Variants in NAV2 observed in about 807,000 individuals in gnomAD.
NAV2 encodes the protein helicase, APC down-regulated 1.
A neutral mutation model predicts 223.2 loss-of-function variants in NAV2; 54 were observed. The ratio of observed to expected loss-of-function variants is 0.24; its 90% CI spans 0.19 to 0.30. The LOEUF (loss-of-function observed/expected upper bound fraction) is 0.30, where lower values mean the gene tolerates loss of function less well. Among genes scored for constraint, NAV2 ranks in the 10% least tolerant of loss-of-function variants. The probability of loss-of-function intolerance (pLI) is 1.00; values close to 1 mark genes in which losing one functional copy is unlikely to be tolerated. For missense variants in NAV2, 2,806 were observed against 3,147.5 expected (o/e 0.89, Z 2.60); for synonymous variants, 1,279 against 1,239.3 (o/e 1.03, Z -0.67).
intron 10 of NAV2, among the ~76,000 whole-genome samples, chr11:19,979,857 TG>T (rs1185024796): frequency 6.6e-6 from 1 of 152,226 alleles, no homozygotes; most frequent in African/African-American, 2.4e-5. Flanking sequence ...ATGCGACAGT[TG>T]GGATTTGAAC....
chr11:19,355,608 A>G (rs916871871), intron 1 of NAV2, among the ~76,000 whole-genome samples: 15 of 152,092 alleles, frequency 9.9e-5, no homozygotes, highest in Non-Finnish European at 1.6e-4. Context: ...TTCTTCAATC[A>G]GTAGTGGAAT....
In NAV2 at chr11:19,933,576, C is replaced by T. The variant is rs773887680; in HGVS notation, c.1332C>T (p.Ala444=). ...TCGAAGAGAGCGAGGAGCTGGAGGC[C>T]GCCAGTCGCATGCTCACCACCGTGG... ...PSFEESEELE[A]ASRMLTTVGP... The change falls in exon 7 of 38, where the codon GCC becomes GCT. Residue 444 remains alanine (A), a synonymous_variant. Transcript: ENST00000349880. This position sits in a 1 kb window ranked among gnomAD's most constrained non-coding sequence, Gnocchi z 4.3. 9.3e-6 allele frequency: 15 copies of T among 1,610,848 alleles called. No homozygotes were observed. The highest frequency in any genetic ancestry group is 2.7e-5 in the African/African-American group (2 of 74,918).
intron 1 of NAV2, among the ~76,000 whole-genome samples, chr11:19,572,047 C>A (rs1456581124): frequency 1.3e-5 from 2 of 152,182 alleles, no homozygotes; most frequent in Non-Finnish European, 2.9e-5. Context: ...CCCCTGCTAC[C>A]TGGGGCAGGA....
chr11:19,663,268 A>G (rs2048333501), intron 1 of NAV2, among the ~76,000 whole-genome samples: 1 of 152,240 alleles, frequency 6.6e-6, no homozygotes, highest in East Asian at 1.9e-4. Context: ...ATACATGAAA[A>G]TAACACAAGC....
At chr11:19,549,557 A>G (rs553428096) in intron 1 of NAV2, among the ~76,000 whole-genome samples, 2 of 151,064 alleles carry the variant, frequency 1.3e-5, no homozygotes, top group African/African-American at 4.9e-5. Context: ...AGAGAGCACA[A>G]CCCCCCTCCT....
intron 32 of NAV2, 105 bp downstream of exon 32, chr11:20,101,277 G>T: frequency 2.1e-6 from 2 of 947,948 alleles, no homozygotes; most frequent in Non-Finnish European, 1.6e-6. Context: ...ACAATCCTTG[G>T]GTGGTTTTAG....
At chr11:19,941,450 T>C (rs1044424948) in intron 8 of NAV2, among the ~76,000 whole-genome samples, 1 of 151,758 alleles carries the variant, frequency 6.6e-6, no homozygotes, top group Non-Finnish European at 1.5e-5. Context: ...CACTGAATAA[T>C]AAATAGCATG....
chr11:19,934,935 G>A (rs758325858), intron 7 of NAV2, among the ~76,000 whole-genome samples: 2 of 152,124 alleles, frequency 1.3e-5, no homozygotes, highest in Non-Finnish European at 2.9e-5. Flanking sequence ...CTCTTTGATG[G>A]CACATCCTCA....
At chr11:19,784,473 AT>A (rs201606983) in intron 1 of NAV2, among the ~76,000 whole-genome samples, 8,885 of 147,920 alleles carry the variant, frequency 0.06, 368 homozygotes, top group Middle Eastern at 0.1. Context: ...AGTAATTATT[AT>A]TATTATTATT....
chr11:19,860,782 A>C (rs1298162727), intron 3 of NAV2, among the ~76,000 whole-genome samples: 11 of 152,118 alleles, frequency 7.2e-5, no homozygotes, highest in Admixed American at 7.2e-4. Flanking sequence ...CAATCCCGGC[A>C]CCTCGGGAGG....
chr11:19,708,358 CATAA>C (rs1306436588), upstream of NAV2, among the ~76,000 whole-genome samples: 4 of 152,156 alleles, frequency 2.6e-5, no homozygotes, highest in African/African-American at 7.2e-5. Context: ...CAAATAAACT[CATAA>C]ATATTTTGCT....
At chr11:20,049,627 C>T (rs190099701) in intron 15 of NAV2, among the ~76,000 whole-genome samples, 1 of 152,060 alleles carries the variant, frequency 6.6e-6, no homozygotes, top group African/African-American at 2.4e-5. Flanking sequence ...GGCAAACACC[C>T]TCCTCCTGGA....
intron 1 of NAV2, among the ~76,000 whole-genome samples, chr11:19,465,274 C>T (rs1313609413): frequency 6.6e-6 from 1 of 152,016 alleles, no homozygotes; most frequent in Non-Finnish European, 1.5e-5. Flanking sequence ...GAAAAGACAG[C>T]CCCCTGCTAG....
chr11:19,612,206 C>T (rs891016486), intron 1 of NAV2, among the ~76,000 whole-genome samples: 3 of 152,224 alleles, frequency 2.0e-5, no homozygotes, highest in African/African-American at 7.2e-5. Flanking sequence ...AGCACAGGAA[C>T]CCTGGGCCTG....
At position 19,727,710 on chromosome 11, in the gene NAV2, CT is replaced by C. The variant is rs534971053; in HGVS notation, c.267+13753del. Among the ~76,000 whole-genome samples, 7 of 152,196 alleles carry C rather than the reference CT, an allele frequency of 4.6e-5. No homozygotes were observed. In the South Asian group the frequency reaches 1.5e-3, roughly 32 times the overall value. Reference sequence around the variant, plus strand: ...TATTGTCTAATGCTGATGTTGGAGCCTTTTTCCCTTGTTCTGTGTAAATCAG... The same window carrying C: ...TATTGTCTAATGCTGATGTTGGAGCCTTTTCCCTTGTTCTGTGTAAATCAG... On this transcript the variant is annotated intron_variant, in intron 1 of 37. Coordinates refer to ENST00000349880, the MANE Select transcript of NAV2 (RefSeq NM_145117.5).
At chr11:19,728,437 C>T (rs1182786727) in intron 1 of NAV2, among the ~76,000 whole-genome samples, 1 of 152,192 alleles carries the variant, frequency 6.6e-6, no homozygotes, top group East Asian at 1.9e-4. Flanking sequence ...CTGATGCACA[C>T]CCTGGGGTGA....
intron 1 of NAV2, among the ~76,000 whole-genome samples, chr11:19,381,160 A>G (rs918349876): frequency 3.9e-5 from 6 of 152,200 alleles, no homozygotes; most frequent in African/African-American, 1.4e-4. Flanking sequence ...GGAAGCCTTC[A>G]CTGACCCACC....
At chr11:20,107,436 A>G in intron 35 of NAV2, 2 of 565,548 alleles carry the variant, frequency 3.5e-6, no homozygotes, top group South Asian at 5.0e-5. Flanking sequence ...CATCTTCCCC[A>G]TAAAGCCTTT....
intron 1 of NAV2, among the ~76,000 whole-genome samples, chr11:19,765,525 G>C (rs551954755): frequency 2.6e-5 from 4 of 151,408 alleles, no homozygotes; most frequent in Admixed American, 2.0e-4. Context: ...GCTGAAAGCT[G>C]TCCTTAACTG....
Sources: gnomAD v4.1 joint callset for allele counts (sites outside exome capture counted in the v4.1 genomes callset) on GRCh38, gnomAD v4.1.1 for gene constraint, Gnocchi (gnomAD v3.1) non-coding constraint, MANE v1.5 for transcripts, NCBI Gene and HGNC (gene_info 2026-07-23, HGNC 2026-07-21) for gene names.